NEDD4: variants seen among roughly 807,000 people sequenced by gnomAD.
The protein encoded by NEDD4 is E3 ubiquitin-protein ligase NEDD4.
A neutral mutation model predicts 144.9 loss-of-function variants in NEDD4; 99 were observed. The ratio of observed to expected loss-of-function variants is 0.68; its 90% confidence interval spans 0.58 to 0.81. NEDD4 has a LOEUF of 0.81. NEDD4 is among the 30% of genes least tolerant of loss of function. The pLI is 0.00. For missense variants in NEDD4, 985 were observed against 1,065.9 expected (o/e 0.92, Z 1.06); for synonymous variants, 318 against 350.6 (o/e 0.91, Z 1.04).
intron 21 of NEDD4, 141 bp from the exon 22 acceptor site, chr15:55,838,745 C>T (rs1284294623): frequency 5.1e-6 from 3 of 590,308 alleles, no homozygotes; most frequent in African/African-American, 1.9e-5. Context: ...CATATATAAA[C>T]AAAAATGTAT....
At chr15:55,956,203 C>A (rs2037335587) in intron 2 of NEDD4, among the ~76,000 whole-genome samples, 1 of 152,162 alleles carries the variant, frequency 6.6e-6, no homozygotes, top group Admixed American at 6.5e-5. Flanking sequence ...ATTCATTTGA[C>A]AATGGACATT....
chr15:55,929,018 T>C (rs978175650), intron 4 of NEDD4, among the ~76,000 whole-genome samples: 1 of 152,166 alleles, frequency 6.6e-6, no homozygotes, highest in Non-Finnish European at 1.5e-5. Flanking sequence ...TATAAAACCA[T>C]TACAGCAAAG....
chr15:55,966,998 T>G (rs1022054695), intron 1 of NEDD4, among the ~76,000 whole-genome samples: 1 of 152,160 alleles, frequency 6.6e-6, no homozygotes, highest in South Asian at 2.1e-4. Flanking sequence ...GCGATTCTCA[T>G]GCCTCAACCT....
At chr15:55,842,410 TG>T (rs2033557174) in intron 18 of NEDD4, among the ~76,000 whole-genome samples, 2 of 152,078 alleles carry the variant, frequency 1.3e-5, no homozygotes. Flanking sequence ...CTTTTGTTTT[TG>T]GAGACAGCTC....
At chr15:55,913,886 A>C (rs2036350958) in intron 5 of NEDD4, among the ~76,000 whole-genome samples, 1 of 152,034 alleles carries the variant, frequency 6.6e-6, no homozygotes, top group Non-Finnish European at 1.5e-5. Flanking sequence ...ATAAATTTAT[A>C]AGTAACATTA....
chr15:55,933,735 T>C (rs1208546582), intron 4 of NEDD4, among the ~76,000 whole-genome samples: 2 of 152,184 alleles, frequency 1.3e-5, no homozygotes, highest in African/African-American at 4.8e-5. Flanking sequence ...TTCTTGACAC[T>C]TCTACTTGCT....
Position 55,837,837 on chromosome 15 carries a change from T to C in NEDD4, c.2214A>G (p.Gln738=), listed in dbSNP as rs536299213. 2.4e-4 allele frequency: 380 copies of C among 1,611,086 alleles called. 5 individuals are homozygous for C. In the South Asian group the frequency reaches 4.0e-3, roughly 17 times the overall value. ...NKKEYIYLVI[Q]WRFVNRIQKQ... is the part of the protein sequence containing the mutation. ...TCTGGATTCGGTTTACAAATCGCCA[T>C]TGTATTACAAGACTAAAAAGAAACA... Residue 738 remains glutamine, a synonymous_variant, in exon 24 of 29, where the codon CAA becomes CAG. Coordinates refer to ENST00000435532, the MANE Select transcript of NEDD4 (RefSeq NM_006154.4).
intron 23 of NEDD4, 129 bp from the exon 24 acceptor site, chr15:55,837,978 C>T (rs1595728290): frequency 2.2e-6 from 2 of 888,966 alleles, no homozygotes; most frequent in Non-Finnish European, 3.5e-6. Flanking sequence ...GTGCTTGCTA[C>T]TGCATTGTGA....
At chr15:55,846,653 C>G (rs1462110406) in intron 18 of NEDD4, among the ~76,000 whole-genome samples, 1 of 152,144 alleles carries the variant, frequency 6.6e-6, no homozygotes, top group Non-Finnish European at 1.5e-5. Flanking sequence ...ATTTCCTGAC[C>G]CACTCTTGCT....
rs1176994871 is a variant in NEDD4, at chr15:55,839,999, AATATATATATATATATATAT to A, written c.2031+428_2031+447del. On this transcript the variant is annotated intron_variant, in intron 21 of 28. Transcript: ENST00000435532. ...AAAAAAAAAAAAAAAAAAAAAAAAA[AATATATATATATATATATAT>A]ATATATATATATATATATATATAAC... Among the ~76,000 whole-genome samples, 242 of 26,120 alleles carry A rather than the reference AATATATATATATATATATAT, an allele frequency of 9.3e-3. 15 individuals are homozygous for A. Among genetic ancestry groups the A allele is most frequent in the African/African-American group, 0.03 (197 of 6,636 alleles). The allele number at this position is 26,120 out of a possible 152,430, so 17.1% of individuals were successfully genotyped here.
chr15:55,950,501 G>C (rs1309703823), intron 4 of NEDD4, among the ~76,000 whole-genome samples: 1 of 152,202 alleles, frequency 6.6e-6, no homozygotes, highest in East Asian at 1.9e-4. Context: ...CCTCCAGAGA[G>C]GCTGGTGTTT....
intron 8 of NEDD4, among the ~76,000 whole-genome samples, chr15:55,868,214 G>C (rs1455485463): frequency 6.6e-6 from 1 of 152,144 alleles, no homozygotes; most frequent in African/African-American, 2.4e-5. Flanking sequence ...ATGTGAGGTA[G>C]AGCCTAGCCC....
Position 55,852,426 on chromosome 15 carries a change from G to GT in NEDD4, c.1143dup (p.Gln382ThrfsTer26), listed in dbSNP as rs746019744. 6.2e-7 allele frequency: 1 copy of GT among 1,610,958 alleles called. No individual in the cohort carries two copies. On this transcript the variant is annotated frameshift_variant, in exon 13 of 29. Coordinates refer to ENST00000435532, the MANE Select transcript of NEDD4 (RefSeq NM_006154.4). LOFTEE classifies it high-confidence loss of function. The stretch of plus-strand genomic sequence containing the variant: ...CAAGTTGATAGATTACAGGATACCT[G>GT]TACAGTGGGCTTTGTCCAAGTAGTC...
Position 55,834,076 on chromosome 15 carries a change from A to G in NEDD4, c.2392T>C (p.Tyr798His). 1.9e-6 allele frequency: 3 copies of G among 1,613,674 alleles called. No homozygotes were observed. The highest frequency in any genetic ancestry group is 2.5e-6 in the Non-Finnish European group (3 of 1,179,982). ...WREHTKYKNG[Y>H]SANHQVIQWF... ...TGTATAACCTGATGATTTGCACTGT[A>G]GCCATTTTTATACTTTGTATGTTCC... The change falls in exon 26 of 29, where the codon TAC (tyrosine) becomes CAC (histidine). Residue 798 changes from tyrosine to histidine, a missense_variant. Physicochemically the swap from Tyr to His is moderately conservative, Grantham distance 83. Transcript: ENST00000435532.
chr15:55,882,094 A>G (rs985086456), intron 5 of NEDD4, among the ~76,000 whole-genome samples: 2 of 152,236 alleles, frequency 1.3e-5, no homozygotes, highest in Non-Finnish European at 2.9e-5. Context: ...TTTAAAAGTA[A>G]CAGCTTTTAG....
chr15:55,946,417 T>G (rs1377861544), intron 4 of NEDD4, among the ~76,000 whole-genome samples: 2 of 152,170 alleles, frequency 1.3e-5, no homozygotes, highest in Admixed American at 1.3e-4. Flanking sequence ...AGAAAGCCAT[T>G]ACATAATGGT....
At chr15:55,883,104 C>T (rs1224536868) in intron 5 of NEDD4, among the ~76,000 whole-genome samples, 1 of 152,170 alleles carries the variant, frequency 6.6e-6, no homozygotes, top group Non-Finnish European at 1.5e-5. Flanking sequence ...GATGCCAAGG[C>T]TCAGTTCTTG....
At chr15:55,882,143 C>T (rs183305499) in intron 5 of NEDD4, among the ~76,000 whole-genome samples, 181 of 152,346 alleles carry the variant, frequency 1.2e-3, no homozygotes, top group Non-Finnish European at 1.1e-3. Context: ...GAAGCCTCCA[C>T]TGATCATCCT....
chr15:55,848,314 T>C, intron 17 of NEDD4, 58 bp downstream of exon 17: 1 of 1,535,302 alleles, frequency 6.5e-7, no homozygotes, highest in Non-Finnish European at 9.0e-7. Context: ...GACTATCTGC[T>C]CTTGAAGAGA....
Sources: gnomAD v4.1 joint callset for allele counts (sites outside exome capture counted in the v4.1 genomes callset) on GRCh38, gnomAD v4.1.1 for gene constraint, MANE v1.5 for transcripts, NCBI Gene and HGNC (gene_info 2026-07-23, HGNC 2026-07-21) for gene names.